The following UNC13C variants were observed in gnomAD, a reference collection of about 807,000 sequenced individuals.
UNC13C encodes protein unc-13 homolog C.
UNC13C carries 174 observed loss-of-function variants against 245.4 expected under a neutral mutation model. That is an observed-to-expected ratio of 0.71 (90% CI 0.63 to 0.80). The LOEUF (loss-of-function observed/expected upper bound fraction) is 0.80. Among genes scored for constraint, UNC13C ranks in the 30% least tolerant of loss-of-function variants. UNC13C has a pLI of 0.00. For missense variants in UNC13C, 2,829 were observed against 2,602.9 expected (o/e 1.09, Z -1.89); for synonymous variants, 992 against 895.1 (o/e 1.11, Z -1.93).
intron 13 of UNC13C, among the ~76,000 whole-genome samples, chr15:54,308,852 A>G (rs2037792175): frequency 6.6e-6 from 1 of 151,708 alleles, no homozygotes; most frequent in African/African-American, 2.4e-5. Context: ...CTCCATTTTT[A>G]TGGCTGAATA....
intron 28 of UNC13C, among the ~76,000 whole-genome samples, chr15:54,552,278 TTATG>T (rs1896771586): frequency 1.5e-5 from 2 of 133,588 alleles, no homozygotes; most frequent in Admixed American, 1.8e-4. Flanking sequence ...TAATATAAAA[TTATG>T]TATTATATAT....
At chr15:54,476,492 G>A (rs1343536276) in intron 19 of UNC13C, among the ~76,000 whole-genome samples, 1 of 149,590 alleles carries the variant, frequency 6.7e-6, no homozygotes, top group Non-Finnish European at 1.5e-5. Flanking sequence ...TGTATAAGGT[G>A]TAAGGAAGGG....
rs754051740 is a variant in UNC13C at position 54,417,066 on chromosome 15, C to T, written c.4933+1999C>T. 10 of 421,820 alleles carry T rather than the reference C, an allele frequency of 2.4e-5. 1 individual carries two copies. The highest frequency in any genetic ancestry group is 1.4e-4 in the East Asian group (2 of 13,816). The allele number at this position is 421,820 out of a possible 1,614,324, so 26.1% of individuals were successfully genotyped here. A position where few individuals can be genotyped will look rare whatever the true frequency, so the allele number is the denominator to read the frequency against. ...GGAATAAACTTATTTTAATCTGCTGCGTAACAACTGATTTTATTTGTTTAT... is the reference window on the plus strand; with the variant it reads ...GGAATAAACTTATTTTAATCTGCTGTGTAACAACTGATTTTATTTGTTTAT... On this transcript the variant is annotated intron_variant, in intron 19 of 32. Transcript: ENST00000260323.
chr15:53,970,201 C>T, the UNC13C span, among the ~76,000 whole-genome samples: 1 of 152,068 alleles, frequency 6.6e-6, no homozygotes, highest in Non-Finnish European at 1.5e-5. Context: ...TCCCAAGGAG[C>T]TGGGATTAAA....
chr15:54,537,299 A>C (rs1187852235), intron 26 of UNC13C, among the ~76,000 whole-genome samples: 2 of 152,004 alleles, frequency 1.3e-5, no homozygotes, highest in Non-Finnish European at 2.9e-5. Context: ...TCTCTAGAAC[A>C]AGAATTACAA....
intron 19 of UNC13C, among the ~76,000 whole-genome samples, chr15:54,483,198 T>C (rs1321083414): frequency 1.3e-5 from 2 of 152,230 alleles, no homozygotes; most frequent in African/African-American, 4.8e-5. Context: ...TGCATGCTTT[T>C]AAATTAAATT....
chr15:54,430,119 AG>A (rs2040842496), intron 19 of UNC13C, among the ~76,000 whole-genome samples: 1 of 151,674 alleles, frequency 6.6e-6, no homozygotes, highest in African/African-American at 2.4e-5. Flanking sequence ...CTAATCTAAT[AG>A]TATGTTGACA....
At chr15:54,425,586 A>G (rs974159257) in intron 19 of UNC13C, among the ~76,000 whole-genome samples, 2 of 151,830 alleles carry the variant, frequency 1.3e-5, no homozygotes, top group Non-Finnish European at 2.9e-5. Flanking sequence ...CTATTCAAAG[A>G]AATTTATTCA....
chr15:54,407,269 G>T (rs759347433), intron 18 of UNC13C, among the ~76,000 whole-genome samples: 2 of 152,168 alleles, frequency 1.3e-5, no homozygotes, highest in Admixed American at 1.3e-4. Context: ...TGAAGGTAAC[G>T]ACTTGAATTA....
chr15:54,060,917 A>G (rs572566310), intron 2 of UNC13C, among the ~76,000 whole-genome samples: 1 of 152,018 alleles, frequency 6.6e-6, no homozygotes, highest in Admixed American at 6.6e-5. Context: ...AATTGATCAA[A>G]GAGAACACAT....
rs141286050 is a variant in UNC13C at position 54,056,042 on chromosome 15, A to C, written c.2983+40156A>C. Among the ~76,000 whole-genome samples, 166 of 152,288 alleles carry C rather than the reference A, an allele frequency of 1.1e-3. 1 individual carries two copies. The highest frequency in any genetic ancestry group is 3.9e-3 in the African/African-American group (161 of 41,570). ...GTCCCAATTGAGTACAAGCAAAAAA[A>C]TGTCAAGAAATTAACATCCAGCTGA... On this transcript the variant is annotated intron_variant, in intron 2 of 32. Transcript: ENST00000260323.
Position 54,346,345 on chromosome 15 carries a change from C to T in UNC13C, c.4713+7856C>T, listed in dbSNP as rs79050810. On this transcript the variant is annotated intron_variant, in intron 17 of 32. Coordinates refer to ENST00000260323, the MANE Select transcript of UNC13C (RefSeq NM_001080534.3). ...TCTCTGATATTAAAACCCCTGAGTT[C>T]AAATTACAGCTCTACTTTTCAGCAT... Among the ~76,000 whole-genome samples, 1,311 of 152,306 alleles carry T rather than the reference C, an allele frequency of 8.6e-3. 23 individuals carry two copies. The highest frequency in any genetic ancestry group is 0.03 in the African/African-American group (1,239 of 41,578).
At chr15:54,030,259 C>T (rs1235430384) in intron 2 of UNC13C, among the ~76,000 whole-genome samples, 2 of 152,132 alleles carry the variant, frequency 1.3e-5, no homozygotes, top group African/African-American at 4.8e-5. Context: ...TATTAATATC[C>T]TCATTTTGCT....
chr15:54,329,472 T>TA (rs1312184573), intron 14 of UNC13C, among the ~76,000 whole-genome samples: 15 of 152,086 alleles, frequency 9.9e-5, no homozygotes, highest in South Asian at 2.1e-4. Context: ...CCTTATTTAA[T>TA]AAAAAAACTG....
intron 2 of UNC13C, among the ~76,000 whole-genome samples, chr15:54,038,218 G>T (rs1025232243): frequency 6.8e-6 from 1 of 146,962 alleles, no homozygotes; most frequent in African/African-American, 2.5e-5. Flanking sequence ...TGCTTCCCTG[G>T]TTCAAGCAAT....
intron 20 of UNC13C, among the ~76,000 whole-genome samples, chr15:54,496,746 C>T (rs1037386651): frequency 6.6e-6 from 1 of 151,010 alleles, no homozygotes; most frequent in South Asian, 2.1e-4. Context: ...TGTTTTCACT[C>T]ATAAGTGGGA....
chr15:53,873,744 T>TCTTTTTCTAGC, the UNC13C span, among the ~76,000 whole-genome samples: 4 of 150,808 alleles, frequency 2.7e-5, no homozygotes, highest in African/African-American at 4.9e-5. Context: ...GACACACAAC[T>TCTTTTTCTAGC]ATGTTGCCCA....
At chr15:53,957,617 AC>A in the UNC13C span, among the ~76,000 whole-genome samples, 1 of 152,134 alleles carries the variant, frequency 6.6e-6, no homozygotes. Flanking sequence ...TCCCTTATCT[AC>A]CCTAAGCAAA....
At chr15:54,591,121 C>A (rs1300014502) in intron 30 of UNC13C, among the ~76,000 whole-genome samples, 1 of 152,004 alleles carries the variant, frequency 6.6e-6, no homozygotes, top group Non-Finnish European at 1.5e-5. Flanking sequence ...TTACACTATC[C>A]CTGCATCCCT....
Sources: allele counts gnomAD v4.1 joint callset (sites outside exome capture counted in the v4.1 genomes callset), GRCh38; gene constraint gnomAD v4.1.1; transcripts MANE v1.5; gene names NCBI Gene and HGNC (gene_info 2026-07-23, HGNC 2026-07-21).